ARHGAP15: variants seen among roughly 807,000 people sequenced by gnomAD.
ARHGAP15 encodes rho GTPase-activating protein 15.
Under a neutral mutation model 63.7 loss-of-function variants are expected in ARHGAP15, and 51 were observed. The observed-to-expected ratio is 0.80, with a 90% CI of 0.64 to 1.01. The LOEUF (loss-of-function observed/expected upper bound fraction) is 1.01. ARHGAP15 is among the 50% of genes least tolerant of loss of function. The probability of loss-of-function intolerance (pLI) is 0.00; values close to 1 mark genes in which losing one functional copy is unlikely to be tolerated. For synonymous variants in ARHGAP15, 191 were observed against 193.8 expected (o/e 0.99, Z 0.12); for missense variants, 560 against 564.6 (o/e 0.99, Z 0.08).
chr2:143,519,396 A>T, intron 10 of ARHGAP15, 32 bp downstream of exon 10: 1 of 1,533,578 alleles, frequency 6.5e-7, no homozygotes, highest in Admixed American at 1.7e-5. Flanking sequence ...AGTTCCCCCC[A>T]TTACTGCACC....
intron 4 of ARHGAP15, among the ~76,000 whole-genome samples, chr2:143,226,137 T>G (rs1558825799): frequency 6.6e-6 from 1 of 152,218 alleles, no homozygotes; most frequent in Non-Finnish European, 1.5e-5. Flanking sequence ...TTCATCCAAT[T>G]CACCTAACAG....
chr2:143,245,270 A>G (rs149934811), intron 5 of ARHGAP15, among the ~76,000 whole-genome samples: 4 of 152,346 alleles, frequency 2.6e-5, no homozygotes, highest in African/African-American at 4.8e-5. Flanking sequence ...AAGAGGACTC[A>G]GTGGAAGAAA....
At chr2:143,712,295 C>T (rs1160237824) in intron 13 of ARHGAP15, among the ~76,000 whole-genome samples, 4 of 152,202 alleles carry the variant, frequency 2.6e-5, no homozygotes, top group African/African-American at 7.2e-5. Flanking sequence ...CCTTAACTTA[C>T]ATTTCACATA....
intron 6 of ARHGAP15, among the ~76,000 whole-genome samples, chr2:143,304,717 ATATATT>A (rs1683086759): frequency 6.6e-6 from 1 of 152,156 alleles, no homozygotes; most frequent in Non-Finnish European, 1.5e-5. Context: ...AATACATTAA[ATATATT>A]TAAAAAGCTC....
At chr2:143,735,649 T>C (rs1685716052) in intron 13 of ARHGAP15, among the ~76,000 whole-genome samples, 1 of 152,140 alleles carries the variant, frequency 6.6e-6, no homozygotes. Context: ...TGGCTCTCAT[T>C]AGTCAGGCTT....
intron 6 of ARHGAP15, among the ~76,000 whole-genome samples, chr2:143,364,208 A>C (rs764008479): frequency 0.022 from 3,358 of 150,876 alleles, 36 homozygotes; most frequent in South Asian, 0.031. Context: ...AACAACAAAA[A>C]AAAAAAAAAA....
chr2:143,213,548 T>C (rs934445278), intron 3 of ARHGAP15, among the ~76,000 whole-genome samples: 1 of 151,974 alleles, frequency 6.6e-6, no homozygotes, highest in Non-Finnish European at 1.5e-5. Flanking sequence ...TGAAGGAAAA[T>C]AAACACCTGA....
intron 11 of ARHGAP15, chr2:143,597,855 T>C (rs1005528336): frequency 1.3e-5 from 2 of 152,142 alleles, no homozygotes; most frequent in African/African-American, 4.8e-5. Flanking sequence ...AGCAGAAGTT[T>C]ATTCCCTCAC....
intron 12 of ARHGAP15, among the ~76,000 whole-genome samples, chr2:143,684,825 G>C (rs995126063): frequency 7.9e-5 from 12 of 152,166 alleles, no homozygotes; most frequent in African/African-American, 2.9e-4. Flanking sequence ...TGTAGTCTCA[G>C]GAACAGTAAT....
chr2:143,612,425 G>T (rs572063613), intron 11 of ARHGAP15, among the ~76,000 whole-genome samples: 3 of 152,156 alleles, frequency 2.0e-5, no homozygotes, highest in African/African-American at 7.2e-5. Context: ...CACCTTAAAT[G>T]TCCTGTGTGT....
intron 6 of ARHGAP15, among the ~76,000 whole-genome samples, chr2:143,257,106 C>T (rs544064363): frequency 2.0e-5 from 3 of 152,072 alleles, no homozygotes; most frequent in African/African-American, 7.2e-5. Context: ...TTAGGGAAAA[C>T]AACACGAACT....
intron 12 of ARHGAP15, among the ~76,000 whole-genome samples, chr2:143,688,762 T>C (rs908495737): frequency 1.3e-5 from 2 of 152,188 alleles, no homozygotes; most frequent in Non-Finnish European, 2.9e-5. Context: ...TTCCTATAAA[T>C]TCAAAAGATA....
chr2:143,722,751 G>T (rs1685115226), intron 13 of ARHGAP15, among the ~76,000 whole-genome samples: 1 of 152,216 alleles, frequency 6.6e-6, no homozygotes, highest in South Asian at 2.1e-4. Context: ...CCATGGAGTG[G>T]CTGGAGAAAA....
At chr2:143,132,639 C>T (rs1298205035) in intron 1 of ARHGAP15, among the ~76,000 whole-genome samples, 1 of 152,246 alleles carries the variant, frequency 6.6e-6, no homozygotes, top group Non-Finnish European at 1.5e-5. Flanking sequence ...CACTCCTGCA[C>T]TGGGGGCAGC....
chr2:143,388,623 T>C (rs1302711082), intron 6 of ARHGAP15, among the ~76,000 whole-genome samples: 1 of 152,172 alleles, frequency 6.6e-6, no homozygotes, highest in Non-Finnish European at 1.5e-5. Flanking sequence ...TATACATACA[T>C]ACATACATAT....
intron 9 of ARHGAP15, among the ~76,000 whole-genome samples, chr2:143,513,333 A>C (rs1478818097): frequency 6.6e-6 from 1 of 152,302 alleles, no homozygotes; most frequent in Non-Finnish European, 1.5e-5. Context: ...AATAATCAGC[A>C]GTGTACTTCA....
intron 8 of ARHGAP15, among the ~76,000 whole-genome samples, chr2:143,461,362 C>A (rs960807525): frequency 2.0e-5 from 3 of 148,228 alleles, no homozygotes; most frequent in African/African-American, 7.4e-5. Context: ...TTTGATGTGG[C>A]GTATTCTATT....
chr2:143,578,271 C>T (rs1198002011), intron 11 of ARHGAP15, among the ~76,000 whole-genome samples: 1 of 119,174 alleles, frequency 8.4e-6, no homozygotes, highest in Admixed American at 9.0e-5. Flanking sequence ...TTTAGGCAAC[C>T]AACATTGAAA....
intron 11 of ARHGAP15, among the ~76,000 whole-genome samples, chr2:143,583,317 A>G (rs1475869108): frequency 6.6e-6 from 1 of 152,202 alleles, no homozygotes; most frequent in African/African-American, 2.4e-5. Context: ...CATATGTTAC[A>G]TATTATTTAA....
Sources: allele counts gnomAD v4.1 joint callset (sites outside exome capture counted in the v4.1 genomes callset), GRCh38; gene constraint gnomAD v4.1.1; transcripts MANE v1.5; gene names NCBI Gene and HGNC (gene_info 2026-07-23, HGNC 2026-07-21).